Variants in NFIB observed in about 807,000 individuals in gnomAD.
NFIB encodes nuclear factor 1 B-type.
Under a neutral mutation model 61.5 loss-of-function variants are expected in NFIB, and 11 were observed. The ratio of observed to expected loss-of-function variants is 0.18; its 90% CI spans 0.11 to 0.30. The LOEUF (loss-of-function observed/expected upper bound fraction) is 0.30, where lower values mean the gene tolerates loss of function less well. Ranked by LOEUF, NFIB falls within the 10% of genes least tolerant of loss-of-function variation. The probability of loss-of-function intolerance (pLI) is 1.00; values close to 1 mark genes in which losing one functional copy is unlikely to be tolerated. For synonymous variants in NFIB, 260 were observed against 216.5 expected (o/e 1.20, Z -1.76); for missense variants, 471 against 608.9 (o/e 0.77, Z 2.38).
rs531183167 is a variant in NFIB at position 14,304,314 on chromosome 9, T to C, written c.562+2675A>G. 3.9e-5 allele frequency among the ~76,000 whole-genome samples: 6 copies of C among 152,356 alleles called. No homozygotes were observed. In the South Asian group the frequency reaches 1.2e-3, roughly 32 times the overall value. Reference sequence around the variant, plus strand: ...AGGAAGTTGGTCAACAATGAAACTTTAGTACATGTTGGTCTTTATTTCGTC... The same window carrying C: ...AGGAAGTTGGTCAACAATGAAACTTCAGTACATGTTGGTCTTTATTTCGTC... On this transcript the variant is annotated intron_variant, in intron 2 of 10. Transcript: ENST00000380953.
At chr9:14,459,010 A>G in the NFIB span, among the ~76,000 whole-genome samples, 1 of 152,184 alleles carries the variant, frequency 6.6e-6, no homozygotes, top group Admixed American at 6.5e-5. Context: ...GAATTGGAAA[A>G]AACTACTTTA....
the NFIB span, among the ~76,000 whole-genome samples, chr9:14,426,087 G>A: frequency 6.6e-6 from 1 of 152,084 alleles, no homozygotes; most frequent in African/African-American, 2.4e-5. Flanking sequence ...GGAGGTAGCT[G>A]GCAGAATGGA....
intron 1 of NFIB, among the ~76,000 whole-genome samples, chr9:14,395,588 G>A (rs145310470): frequency 2.0e-5 from 3 of 151,902 alleles, no homozygotes; most frequent in East Asian, 1.9e-4. Flanking sequence ...AGCCGGCCCC[G>A]ATCTGTATGC....
At chr9:14,090,216 G>C (rs1411967882) in intron 10 of NFIB, among the ~76,000 whole-genome samples, 2 of 152,014 alleles carry the variant, frequency 1.3e-5, no homozygotes, top group African/African-American at 4.8e-5. Context: ...TGATTAAGCA[G>C]GAATAATCAC....
rs3886290 is a variant in NFIB, at chr9:14,389,175, T to C, written c.108+9349A>G. 3.3e-3 allele frequency among the ~76,000 whole-genome samples: 505 copies of C among 152,344 alleles called. 12 individuals are homozygous for C. The highest frequency in any genetic ancestry group is 0.03 in the Admixed American group (464 of 15,302). ...CATGTGAACACAATTGTGTGTAACA[T>C]GAAGTTAGGCCCTGTTAATATTCAC... On this transcript the variant is annotated intron_variant, in intron 1 of 8. Coordinates refer to the NFIB transcript ENST00000380934.
At chr9:14,240,687 G>A (rs1460808847) in intron 2 of NFIB, among the ~76,000 whole-genome samples, 1 of 152,146 alleles carries the variant, frequency 6.6e-6, no homozygotes, top group Admixed American at 6.5e-5. Context: ...CATGTCTAAA[G>A]TACCATGGTC....
intron 1 of NFIB, among the ~76,000 whole-genome samples, chr9:14,338,255 A>G (rs1385683660): frequency 3.9e-5 from 6 of 152,062 alleles, no homozygotes; most frequent in South Asian, 2.1e-4. Flanking sequence ...TTAGCCGGGC[A>G]TGGTGGCGGG....
Position 14,182,599 on chromosome 9 carries a change from C to T in NFIB, c.563-2819G>A, listed in dbSNP as rs1235646428. On this transcript the variant is annotated intron_variant, in intron 2 of 10. Transcript: ENST00000380953. ...AATTATTCAGACCACATCTAAACCC[C>T]TTCCAATTCACCACCTAGGTCAAAT... 2.0e-5 allele frequency among the ~76,000 whole-genome samples: 3 copies of T among 151,838 alleles called. No individual in the cohort carries two copies. In the East Asian group the frequency reaches 5.8e-4, roughly 29 times the overall value.
At chr9:14,088,433 G>A (rs1410518422) in intron 10 of NFIB, 107 bp from the exon 11 acceptor site, 2 of 1,181,718 alleles carry the variant, frequency 1.7e-6, no homozygotes, top group East Asian at 6.0e-5. Context: ...TCAAATTATT[G>A]CTATCCCTAT....
chr9:14,087,584 T>G lies in NFIB; in HGVS notation c.*725A>C. 1 of 226,832 alleles carries G rather than the reference T, an allele frequency of 4.4e-6. No homozygotes were observed. The highest frequency in any genetic ancestry group is 1.8e-4 in the South Asian group (1 of 5,466). 14.1% of individuals were successfully genotyped at this position (226,832 alleles called of 1,614,324 possible). A position where few individuals can be genotyped will look rare whatever the true frequency, so the allele number is the denominator to read the frequency against. Reference sequence around the variant, plus strand: ...TTTTCCTTTTTTCTTTTTTTCCTTTTTTTTTCATTTTTTCTTTTTTTAAGA... The same window carrying G: ...TTTTCCTTTTTTCTTTTTTTCCTTTGTTTTTCATTTTTTCTTTTTTTAAGA... On this transcript the variant is annotated 3_prime_UTR_variant, in exon 11 of 11. Transcript: ENST00000380953.
At chr9:14,522,436 T>A in the NFIB span, among the ~76,000 whole-genome samples, 1 of 152,130 alleles carries the variant, frequency 6.6e-6, no homozygotes, top group African/African-American at 2.4e-5. Flanking sequence ...AAAAATAAAA[T>A]AACAATTTAG....
the NFIB span, among the ~76,000 whole-genome samples, chr9:14,482,985 A>T: frequency 6.6e-6 from 1 of 152,282 alleles, no homozygotes; most frequent in East Asian, 1.9e-4. Flanking sequence ...AATAAATGAA[A>T]ATTCGAATAA....
intron 1 of NFIB, among the ~76,000 whole-genome samples, chr9:14,389,202 G>A (rs1374727757): frequency 6.6e-6 from 1 of 152,154 alleles, no homozygotes; most frequent in Non-Finnish European, 1.5e-5. Flanking sequence ...AATATTCACT[G>A]AGAACTTTCC....
chr9:14,492,286 C>T, the NFIB span, among the ~76,000 whole-genome samples: 8 of 151,914 alleles, frequency 5.3e-5, 1 homozygote, highest in South Asian at 6.2e-4. Flanking sequence ...TGGCATGAAC[C>T]GGGGAGGCGG....
chr9:14,354,153 T>C (rs1035470478), intron 1 of NFIB, among the ~76,000 whole-genome samples: 5 of 152,206 alleles, frequency 3.3e-5, no homozygotes, highest in African/African-American at 1.2e-4. Context: ...GACATTATTT[T>C]TTCAATCTAC....
At chr9:14,100,952 G>C (rs2035690232) in intron 10 of NFIB, among the ~76,000 whole-genome samples, 1 of 152,098 alleles carries the variant, frequency 6.6e-6, no homozygotes, top group Non-Finnish European at 1.5e-5. Flanking sequence ...TTAACTGATA[G>C]AGCATGAAAT....
chr9:14,113,170 G>T, intron 9 of NFIB, 89 bp from the exon 10 acceptor site: 2 of 1,141,090 alleles, frequency 1.8e-6, no homozygotes, highest in Non-Finnish European at 2.4e-6. Context: ...AGAGAAGTGG[G>T]ATTTGCAACC....
intron 6 of NFIB, among the ~76,000 whole-genome samples, chr9:14,142,897 TATA>T (rs2041909992): frequency 6.6e-6 from 1 of 152,122 alleles, no homozygotes; most frequent in South Asian, 2.1e-4. Context: ...AGGAAAGAAA[TATA>T]ACAGTTGTTG....
chr9:14,434,205 C>T, the NFIB span, among the ~76,000 whole-genome samples: 24 of 152,192 alleles, frequency 1.6e-4, no homozygotes, highest in Non-Finnish European at 2.8e-4. Flanking sequence ...GCATTGTCTT[C>T]TGGGCTGATT....
Sources: gnomAD v4.1 joint callset for allele counts (sites outside exome capture counted in the v4.1 genomes callset) on GRCh38, gnomAD v4.1.1 for gene constraint, MANE v1.5 for transcripts, NCBI Gene and HGNC (gene_info 2026-07-23, HGNC 2026-07-21) for gene names.